GABRB3: variants seen among roughly 807,000 people sequenced by gnomAD.
The protein encoded by GABRB3 is gamma-aminobutyric acid receptor subunit beta-3.
In GABRB3, 14 loss-of-function variants were observed where a neutral mutation model predicts 52.1. The observed-to-expected ratio is 0.27, with a 90% CI of 0.18 to 0.42. The LOEUF (loss-of-function observed/expected upper bound fraction) is 0.42, where lower values mean the gene tolerates loss of function less well. Among genes scored for constraint, GABRB3 ranks in the 10% least tolerant of loss-of-function variants. The pLI is 1.00. For missense variants in GABRB3, 307 were observed against 609.1 expected (o/e 0.50, Z 5.22); for synonymous variants, 260 against 232.3 (o/e 1.12, Z -1.08).
At chr15:26,598,456 C>T (rs1891473947) in intron 4 of GABRB3, among the ~76,000 whole-genome samples, 3 of 152,106 alleles carry the variant, frequency 2.0e-5, no homozygotes, top group Admixed American at 2.0e-4. Flanking sequence ...CCACTGTCTA[C>T]AGACCGGAAC....
intron 3 of GABRB3, chr15:26,624,401 G>T: frequency 2.0e-6 from 2 of 985,454 alleles, no homozygotes; most frequent in South Asian, 4.7e-5. Context: ...CCTGAGTCGC[G>T]ATGTCTAGCG....
intron 7 of GABRB3, among the ~76,000 whole-genome samples, chr15:26,564,191 T>C (rs1225351777): frequency 2.6e-5 from 4 of 152,098 alleles, no homozygotes; most frequent in African/African-American, 9.7e-5. Context: ...CTAAGTATAA[T>C]GCAGATACTC....
intron 3 of GABRB3, among the ~76,000 whole-genome samples, chr15:26,630,185 G>C (rs1892874351): frequency 6.6e-6 from 1 of 152,108 alleles, no homozygotes; most frequent in Non-Finnish European, 1.5e-5. Context: ...GGGTGGGCAG[G>C]AGCCCAGGGC....
intron 4 of GABRB3, among the ~76,000 whole-genome samples, chr15:26,598,981 C>T (rs1891490448): frequency 6.6e-6 from 1 of 152,186 alleles, no homozygotes; most frequent in Admixed American, 6.5e-5. Context: ...AGGGCCTACC[C>T]AATGACACTG....
intron 3 of GABRB3, among the ~76,000 whole-genome samples, chr15:26,634,093 T>G (rs1031622977): frequency 6.6e-6 from 1 of 152,126 alleles, no homozygotes; most frequent in Admixed American, 6.5e-5. Context: ...AGAGGTTGCT[T>G]CTTCTCCCAA....
At position 26,567,576 on chromosome 15, in the gene GABRB3, C is replaced by T. The variant is rs374357218; in HGVS notation, c.835+5G>A. 28 of 1,613,136 alleles carry T rather than the reference C, an allele frequency of 1.7e-5. No individual in the cohort carries two copies. In the African/African-American group the frequency reaches 2.7e-4, roughly 15 times the overall value. On this transcript the variant is annotated splice_donor_5th_base_variant and intron_variant, in intron 7 of 8. Transcript: ENST00000311550. ...ATTTAAATATCACTTAAAAATAGCACATACCGAGGGCAACTCTAGCAGCAG... is the reference window on the plus strand; with the variant it reads ...ATTTAAATATCACTTAAAAATAGCATATACCGAGGGCAACTCTAGCAGCAG...
At chr15:26,570,286 T>C (rs1417491766) in intron 6 of GABRB3, among the ~76,000 whole-genome samples, 1 of 152,186 alleles carries the variant, frequency 6.6e-6, no homozygotes, top group Non-Finnish European at 1.5e-5. Flanking sequence ...TCCAACACCA[T>C]CAGTAGAATG....
At chr15:26,572,669 C>T (rs1369958881) in intron 6 of GABRB3, among the ~76,000 whole-genome samples, 1 of 152,206 alleles carries the variant, frequency 6.6e-6, no homozygotes, top group East Asian at 1.9e-4. Flanking sequence ...TGGCAAATAA[C>T]TTGAAGTTGA....
At chr15:26,661,612 CT>C (rs1887553540) in intron 3 of GABRB3, among the ~76,000 whole-genome samples, 1 of 152,132 alleles carries the variant, frequency 6.6e-6, no homozygotes, top group African/African-American at 2.4e-5. Context: ...CAGGGAAAGG[CT>C]TACACGCACA....
intron 2 of GABRB3, 25 bp downstream of exon 2, chr15:26,772,656 C>A (rs1891184250): frequency 1.9e-6 from 3 of 1,540,980 alleles, no homozygotes; most frequent in Non-Finnish European, 2.6e-6. Context: ...GCGCTTCCCG[C>A]AACGGCCGCG....
At chr15:26,613,864 C>T (rs986087183) in intron 4 of GABRB3, 1 of 152,220 alleles carries the variant, frequency 6.6e-6, no homozygotes, top group African/African-American at 2.4e-5. Flanking sequence ...AGTGTGACAG[C>T]TGAGCAATCC....
chr15:26,619,575 G>C (rs1892395388), intron 4 of GABRB3, among the ~76,000 whole-genome samples: 2 of 150,474 alleles, frequency 1.3e-5, no homozygotes, highest in South Asian at 2.1e-4. Context: ...GCTAGATGAC[G>C]AGTTAGTGGG....
chr15:26,681,558 A>G (rs1888240934), intron 3 of GABRB3, among the ~76,000 whole-genome samples: 1 of 152,148 alleles, frequency 6.6e-6, no homozygotes, highest in Non-Finnish European at 1.5e-5. Flanking sequence ...GAGTTGAGAT[A>G]TATATAATTT....
intron 6 of GABRB3, 83 bp from the exon 7 acceptor site, chr15:26,567,816 A>G (rs1395598925): frequency 7.3e-7 from 1 of 1,361,744 alleles, no homozygotes. Flanking sequence ...TAGGTCAACA[A>G]CAGGCAATGG....
At chr15:26,760,259 T>C (rs1890778370) in intron 3 of GABRB3, among the ~76,000 whole-genome samples, 1 of 152,222 alleles carries the variant, frequency 6.6e-6, no homozygotes, top group Admixed American at 6.5e-5. Context: ...GGTCTCCTTA[T>C]GTTTCAAACA....
At chr15:26,609,891 T>G (rs569538473) in intron 4 of GABRB3, among the ~76,000 whole-genome samples, 1 of 152,296 alleles carries the variant, frequency 6.6e-6, no homozygotes, top group African/African-American at 2.4e-5. Flanking sequence ...ATAGAACTGT[T>G]GTTGACAGTT....
intron 7 of GABRB3, among the ~76,000 whole-genome samples, chr15:26,566,732 A>T (rs908300674): frequency 6.6e-5 from 10 of 151,280 alleles, no homozygotes; most frequent in Admixed American, 2.0e-4. Context: ...ACTCTGTCTC[A>T]AAAAAAAAGA....
intron 3 of GABRB3, among the ~76,000 whole-genome samples, chr15:26,682,480 G>A (rs1352548716): frequency 6.6e-6 from 1 of 152,152 alleles, no homozygotes; most frequent in Non-Finnish European, 1.5e-5. Context: ...GTACAGACAC[G>A]GAGCCCGGCA....
At chr15:26,670,090 G>A (rs959766379) in intron 3 of GABRB3, among the ~76,000 whole-genome samples, 3 of 152,206 alleles carry the variant, frequency 2.0e-5, no homozygotes, top group African/African-American at 7.2e-5. Context: ...GAGCGCCCCG[G>A]AGCCTCACCT....
Sources: allele counts gnomAD v4.1 joint callset (sites outside exome capture counted in the v4.1 genomes callset), GRCh38; gene constraint gnomAD v4.1.1; transcripts MANE v1.5; gene names NCBI Gene and HGNC (gene_info 2026-07-23, HGNC 2026-07-21).